Variants in TAF15 observed in about 807,000 individuals in gnomAD.
The protein encoded by TAF15 is TATA-box binding protein associated factor 15.
In TAF15, 37 loss-of-function variants were observed where a neutral mutation model predicts 102.5. The observed-to-expected ratio is 0.36, with a 90% CI of 0.28 to 0.47. TAF15 has a LOEUF of 0.47. Among genes scored for constraint, TAF15 ranks in the 20% least tolerant of loss-of-function variants. TAF15 has a pLI of 0.99. For missense variants in TAF15, 652 were observed against 760.7 expected, an observed-to-expected ratio of 0.86 and a Z score of 1.68; for synonymous variants, 273 against 259.2, an observed-to-expected ratio of 1.05 and a Z score of -0.51.
At position 35,844,650 on chromosome 17, in the gene TAF15, AGTG is replaced by A; in HGVS notation, c.1353_1355del (p.Ser451_Gly452delinsArg). 2 of 1,514,762 alleles carry A rather than the reference AGTG, an allele frequency of 1.3e-6. No individual in the cohort carries two copies. The highest frequency in any genetic ancestry group is 1.8e-6 in the Non-Finnish European group (2 of 1,132,238). The allele number at this position is 1,514,762 out of a possible 1,614,324, so 93.8% of individuals were successfully genotyped here. ...TGGGGGCGGCTATGGTGGAGACAGA[AGTG>A]GGGGTGGCTATGGTGGGGACAGAGG... On this transcript the variant is annotated inframe_deletion, in exon 15 of 16. Coordinates refer to ENST00000605844, the MANE Select transcript of TAF15 (RefSeq NM_139215.3).
At position 35,838,447 on chromosome 17, in the gene TAF15, A is replaced by G; in HGVS notation, c.807A>G (p.Pro269=). 1.2e-6 allele frequency: 2 copies of G among 1,614,230 alleles called. No homozygotes were observed. Among genetic ancestry groups the G allele is most frequent in the Non-Finnish European group, 1.7e-6 (2 of 1,180,036 alleles). Residue 269 remains proline (P), a synonymous_variant, in exon 11 of 16, where the codon CCA becomes CCG. Coordinates refer to ENST00000605844, the MANE Select transcript of TAF15 (RefSeq NM_139215.3). ...IIKTNKKTGK[P]MINLYTDKDT... Reference sequence around the variant, plus strand: ...AGACAAATAAGAAGACCGGAAAACCAATGATAAATCTTTATACAGACAAGG... The same window carrying G: ...AGACAAATAAGAAGACCGGAAAACCGATGATAAATCTTTATACAGACAAGG...
At chr17:35,815,287 A>G (rs2087182058) in intron 1 of TAF15, among the ~76,000 whole-genome samples, 1 of 152,252 alleles carries the variant, frequency 6.6e-6, no homozygotes, top group African/African-American at 2.4e-5. Context: ...CACAAAGCAC[A>G]ATTGTCAAAT....
At chr17:35,843,454 C>T (rs192625755) in intron 12 of TAF15, among the ~76,000 whole-genome samples, 95 of 152,234 alleles carry the variant, frequency 6.2e-4, no homozygotes, top group Non-Finnish European at 1.3e-3. Flanking sequence ...GATTCATATT[C>T]TTGTCTTTTT....
At chr17:35,823,798 G>T (rs374090612) in intron 6 of TAF15, 11 of 457,412 alleles carry the variant, frequency 2.4e-5, no homozygotes, top group South Asian at 2.1e-4. Context: ...AACTCATACT[G>T]TTCCACATTA....
chr17:35,831,405 G>A (rs1320197245), intron 7 of TAF15, among the ~76,000 whole-genome samples: 7 of 134,952 alleles, frequency 5.2e-5, no homozygotes, highest in Non-Finnish European at 7.8e-5. Context: ...AGACTCCGTC[G>A]CAAAAAAAAA....
intron 1 of TAF15, 101 bp from the exon 2 acceptor site, chr17:35,817,612 GTTC>G: frequency 1.0e-6 from 1 of 987,380 alleles, no homozygotes; most frequent in Non-Finnish European, 1.6e-6. Context: ...TCTTTCTGCA[GTTC>G]TTTACATTTT....
intron 1 of TAF15, 150 bp downstream of exon 1, chr17:35,809,726 G>A: frequency 9.5e-7 from 1 of 1,052,932 alleles, no homozygotes; most frequent in Non-Finnish European, 1.4e-6. Context: ...CCGCCATGTT[G>A]AACTGGAGGC....
chr17:35,834,433 A>G (rs2087445602), intron 8 of TAF15, 133 bp from the exon 9 acceptor site: 1 of 750,728 alleles, frequency 1.3e-6, no homozygotes, highest in South Asian at 1.7e-5. Context: ...TTTACTTTGT[A>G]AATCTGTGAT....
intron 7 of TAF15, among the ~76,000 whole-genome samples, chr17:35,832,514 T>C (rs2087419524): frequency 6.6e-6 from 1 of 152,178 alleles, no homozygotes; most frequent in Admixed American, 6.5e-5. Context: ...AAAAGCCATT[T>C]ATAGGGTAGG....
At chr17:35,821,615 A>G (rs1354763607) in intron 5 of TAF15, among the ~76,000 whole-genome samples, 1 of 152,124 alleles carries the variant, frequency 6.6e-6, no homozygotes, top group Non-Finnish European at 1.5e-5. Flanking sequence ...CATTTTTATA[A>G]TAAGTAAACC....
At chr17:35,824,617 A>G (rs2087303956) in intron 7 of TAF15, among the ~76,000 whole-genome samples, 1 of 152,226 alleles carries the variant, frequency 6.6e-6, no homozygotes, top group South Asian at 2.1e-4. Context: ...TGGGAAGGGA[A>G]AGTATTAGGA....
intron 11 of TAF15, among the ~76,000 whole-genome samples, chr17:35,839,513 C>T (rs1057027472): frequency 6.6e-6 from 1 of 151,102 alleles, no homozygotes; most frequent in African/African-American, 2.4e-5. Flanking sequence ...TCCCCAGTAG[C>T]TGGGACTACA....
Position 35,822,646 on chromosome 17 carries a change from T to G in TAF15, c.297T>G (p.Gly99=). The change falls in exon 6 of 16, where the codon GGT becomes GGG. Residue 99 remains glycine (G), a synonymous_variant. Coordinates refer to ENST00000605844, the MANE Select transcript of TAF15 (RefSeq NM_139215.3). ...QQNMESSGSQ[G]GRAPSYDQPD... ...GTTCTCCATTTCTATTTAGCCAAGG[T>G]GGAAGAGCACCTTCCTATGACCAGC... 2 of 1,613,714 alleles carry G rather than the reference T, an allele frequency of 1.2e-6. No individual in the cohort carries two copies. Among genetic ancestry groups the G allele is most frequent in the South Asian group, 2.2e-5 (2 of 91,014 alleles).
chr17:35,843,210 C>G (rs1404666515), intron 12 of TAF15, among the ~76,000 whole-genome samples: 2 of 150,958 alleles, frequency 1.3e-5, no homozygotes, highest in African/African-American at 4.9e-5. Flanking sequence ...CGCAACCTCT[C>G]CCTCCCGGGT....
At chr17:35,828,793 A>G (rs1217006546) in intron 7 of TAF15, among the ~76,000 whole-genome samples, 1 of 152,136 alleles carries the variant, frequency 6.6e-6, no homozygotes, top group African/African-American at 2.4e-5. Flanking sequence ...AAAAAAAAAA[A>G]AAGTACTGTA....
Position 35,838,426 on chromosome 17 carries a change from A to T in TAF15, c.786A>T (p.Thr262=), listed in dbSNP as rs780211479. Reference sequence around the variant, plus strand: ...CAAGTGTTTCTGTTTTTCCTCAGACAAATAAGAAGACCGGAAAACCAATGA... The same window carrying T: ...CAAGTGTTTCTGTTTTTCCTCAGACTAATAAGAAGACCGGAAAACCAATGA... ...EFFKQIGIIK[T]NKKTGKPMIN... is the part of the protein sequence containing the mutation. The change falls in exon 11 of 16, where the codon ACA becomes ACT. Residue 262 remains threonine (T), a splice_region_variant and synonymous_variant. Coordinates refer to ENST00000605844, the MANE Select transcript of TAF15 (RefSeq NM_139215.3). 1 of 1,614,152 alleles carries T rather than the reference A, an allele frequency of 6.2e-7. No homozygotes were observed. Among genetic ancestry groups the T allele is most frequent in the South Asian group, 1.1e-5 (1 of 91,086 alleles).
chr17:35,827,705 CAAAA>C, intron 7 of TAF15, among the ~76,000 whole-genome samples: 1 of 128,828 alleles, frequency 7.8e-6, no homozygotes, highest in African/African-American at 2.9e-5. Context: ...AACTCCATCG[CAAAA>C]AAAAAAAAGA....
In TAF15 at chr17:35,833,760, C is replaced by T. The variant is rs3785764; in HGVS notation, c.606-147C>T. Reference sequence around the variant, plus strand: ...ACTTAGATGGAAACAACATTTAGAACTCTGTGAAATGGAATTTACTGAAAA... The same window carrying T: ...ACTTAGATGGAAACAACATTTAGAATTCTGTGAAATGGAATTTACTGAAAA... On this transcript the variant is annotated intron_variant, in intron 7 of 15. Coordinates refer to ENST00000605844, the MANE Select transcript of TAF15 (RefSeq NM_139215.3). 82,048 of 741,140 alleles carry T rather than the reference C, an allele frequency of 0.11. 5,263 individuals are homozygous for T. Among genetic ancestry groups the T allele is most frequent in the East Asian group, 0.21 (7,623 of 36,702 alleles). 45.9% of individuals were successfully genotyped at this position (741,140 alleles called of 1,614,324 possible).
chr17:35,829,880 C>T (rs541082925), intron 7 of TAF15, among the ~76,000 whole-genome samples: 2 of 152,154 alleles, frequency 1.3e-5, no homozygotes, highest in South Asian at 2.1e-4. Context: ...TGGCTCACGC[C>T]TGTAATCCCA....
Sources: gnomAD v4.1 joint callset for allele counts (sites outside exome capture counted in the v4.1 genomes callset) on GRCh38, gnomAD v4.1.1 for gene constraint, MANE v1.5 for transcripts, NCBI Gene and HGNC (gene_info 2026-07-23, HGNC 2026-07-21) for gene names.